CYRIA: variants seen among roughly 807,000 people sequenced by gnomAD.
CYRIA encodes CYFIP related Rac1 interactor A.
In CYRIA, 15 loss-of-function variants were observed where a neutral mutation model predicts 43.9. That is an observed-to-expected ratio of 0.34 (90% CI 0.23 to 0.53). The LOEUF is 0.53. Among genes scored for constraint, CYRIA ranks in the 20% least tolerant of loss-of-function variants. The pLI, the probability that CYRIA is intolerant of heterozygous loss-of-function variation, is 0.94. For synonymous variants in CYRIA, 117 were observed against 136.0 expected, an observed-to-expected ratio of 0.86 and a Z score of 0.97; for missense variants, 236 against 394.2, an observed-to-expected ratio of 0.60 and a Z score of 3.40.
intron 3 of CYRIA, among the ~76,000 whole-genome samples, chr2:16,571,646 G>C (rs1459108077): frequency 6.6e-6 from 1 of 152,162 alleles, no homozygotes; most frequent in Non-Finnish European, 1.5e-5. Flanking sequence ...AGATGTCTTT[G>C]GTTTTGAAAG....
At chr2:16,651,453 C>G (rs969263833) in intron 1 of CYRIA, among the ~76,000 whole-genome samples, 1 of 152,202 alleles carries the variant, frequency 6.6e-6, no homozygotes, top group African/African-American at 2.4e-5. Context: ...AATCCCTAAA[C>G]AGTTGCAGAC....
At chr2:16,616,150 G>A (rs1668780456) in intron 2 of CYRIA, among the ~76,000 whole-genome samples, 1 of 152,118 alleles carries the variant, frequency 6.6e-6, no homozygotes, top group African/African-American at 2.4e-5. Context: ...CCGTAGAGTG[G>A]TGGCCTGCTC....
intron 10 of CYRIA, among the ~76,000 whole-genome samples, chr2:16,555,656 G>C (rs1666481799): frequency 6.6e-6 from 1 of 152,044 alleles, no homozygotes; most frequent in Non-Finnish European, 1.5e-5. Context: ...ATTACCTCCT[G>C]GAATCCTATT....
At chr2:16,644,707 C>T (rs1303606766) in intron 1 of CYRIA, among the ~76,000 whole-genome samples, 1 of 152,178 alleles carries the variant, frequency 6.6e-6, no homozygotes, top group Non-Finnish European at 1.5e-5. Context: ...GGAGGCCACA[C>T]TTAGATAACC....
chr2:16,608,248 C>A (rs115360017), intron 2 of CYRIA, among the ~76,000 whole-genome samples: 1 of 152,156 alleles, frequency 6.6e-6, no homozygotes, highest in Non-Finnish European at 1.5e-5. Context: ...GTGAGAGAAA[C>A]GGGTCTGAGA....
chr2:16,657,571 C>T (rs1171138640), intron 1 of CYRIA, among the ~76,000 whole-genome samples: 3 of 151,504 alleles, frequency 2.0e-5, no homozygotes, highest in Admixed American at 2.0e-4. Context: ...GCCACTAATG[C>T]TTTTGATAAG....
At chr2:16,634,879 T>G (rs1290806102) in intron 1 of CYRIA, among the ~76,000 whole-genome samples, 1 of 152,178 alleles carries the variant, frequency 6.6e-6, no homozygotes, top group Non-Finnish European at 1.5e-5. Flanking sequence ...TGTCCCACGC[T>G]CCCAGCAAGT....
At chr2:16,637,531 GC>G (rs1311674880) in intron 1 of CYRIA, among the ~76,000 whole-genome samples, 1 of 152,186 alleles carries the variant, frequency 6.6e-6, no homozygotes, top group Non-Finnish European at 1.5e-5. Flanking sequence ...GGACTTCACA[GC>G]CTCCAGAACC....
intron 1 of CYRIA, among the ~76,000 whole-genome samples, chr2:16,652,077 C>T (rs1669989290): frequency 6.6e-6 from 1 of 152,214 alleles, no homozygotes; most frequent in African/African-American, 2.4e-5. Context: ...CCCTCCCCAG[C>T]TCTCGTTAAT....
chr2:16,636,037 A>G (rs1040872440), intron 1 of CYRIA, among the ~76,000 whole-genome samples: 1 of 152,152 alleles, frequency 6.6e-6, no homozygotes, highest in Non-Finnish European at 1.5e-5. Context: ...CCACTCAGAC[A>G]TGCACAAGGA....
intron 3 of CYRIA, among the ~76,000 whole-genome samples, chr2:16,582,265 G>A (rs968109611): frequency 2.0e-5 from 3 of 152,078 alleles, no homozygotes; most frequent in East Asian, 1.9e-4. Context: ...CTGTGATGAC[G>A]GAATAATGTC....
At chr2:16,564,703 C>G (rs193290172) in intron 4 of CYRIA, among the ~76,000 whole-genome samples, 1 of 151,862 alleles carries the variant, frequency 6.6e-6, no homozygotes, top group Non-Finnish European at 1.5e-5. Flanking sequence ...TATTGGCATG[C>G]GTATATGTAT....
intron 1 of CYRIA, among the ~76,000 whole-genome samples, chr2:16,647,760 G>A (rs1373388759): frequency 6.6e-6 from 1 of 152,124 alleles, no homozygotes; most frequent in Non-Finnish European, 1.5e-5. Flanking sequence ...TTCTGGCATG[G>A]CTCACACAGC....
At chr2:16,572,269 T>C (rs142241910) in intron 3 of CYRIA, among the ~76,000 whole-genome samples, 2 of 152,146 alleles carry the variant, frequency 1.3e-5, no homozygotes, top group South Asian at 4.2e-4. Flanking sequence ...ACCTGCAGGG[T>C]CATAATGAAG....
chr2:16,563,916 G>A, intron 5 of CYRIA, 73 bp downstream of exon 5: 1 of 1,107,764 alleles, frequency 9.0e-7, no homozygotes, highest in Non-Finnish European at 1.3e-6. Context: ...ATGCCACGCT[G>A]TTCCCACTAC....
At chr2:16,606,307 C>T (rs1186085601) in intron 2 of CYRIA, among the ~76,000 whole-genome samples, 2 of 152,076 alleles carry the variant, frequency 1.3e-5, no homozygotes, top group Non-Finnish European at 2.9e-5. Flanking sequence ...GATCCACTCT[C>T]CCACCAAACT....
At chr2:16,577,420 C>T (rs956174132) in intron 3 of CYRIA, among the ~76,000 whole-genome samples, 24 of 152,080 alleles carry the variant, frequency 1.6e-4, no homozygotes, top group African/African-American at 4.1e-4. Flanking sequence ...ATATTGCGCT[C>T]ACCCTAACAA....
At chr2:16,601,639 T>C (rs1668209745) in intron 2 of CYRIA, among the ~76,000 whole-genome samples, 1 of 151,472 alleles carries the variant, frequency 6.6e-6, no homozygotes, top group Admixed American at 6.6e-5. Context: ...CTATGAGAGT[T>C]GGCTTTAAGG....
intron 3 of CYRIA, among the ~76,000 whole-genome samples, chr2:16,580,911 T>C (rs985128166): frequency 6.6e-5 from 10 of 152,024 alleles, no homozygotes; most frequent in Admixed American, 3.3e-4. Context: ...TATGAAAAAA[T>C]AATAAACCTA....
Sources: gnomAD v4.1 joint callset for allele counts (sites outside exome capture counted in the v4.1 genomes callset) on GRCh38, gnomAD v4.1.1 for gene constraint, MANE v1.5 for transcripts, NCBI Gene and HGNC (gene_info 2026-07-23, HGNC 2026-07-21) for gene names.